Variants in PATJ observed in about 807,000 individuals in gnomAD.
The protein encoded by PATJ is inaD-like protein.
A neutral mutation model predicts 224.9 loss-of-function variants in PATJ; 190 were observed. That is an observed-to-expected ratio of 0.84 (90% confidence interval 0.75 to 0.95). The LOEUF is 0.95. Among genes scored for constraint, PATJ ranks in the 40% least tolerant of loss-of-function variants. The probability of loss-of-function intolerance (pLI) is 0.00; values close to 1 mark genes in which losing one functional copy is unlikely to be tolerated. For synonymous variants in PATJ, 769 were observed against 820.3 expected (o/e 0.94, Z 1.07); for missense variants, 2,121 against 2,270.3 (o/e 0.93, Z 1.34).
intron 22 of PATJ, among the ~76,000 whole-genome samples, chr1:61,894,418 G>A (rs1670074759): frequency 6.6e-6 from 1 of 152,144 alleles, no homozygotes; most frequent in African/African-American, 2.4e-5. Flanking sequence ...TAATCCCCAT[G>A]TGTCAGGAGA....
At chr1:62,033,842 A>G (rs932308279) in intron 29 of PATJ, among the ~76,000 whole-genome samples, 2 of 152,016 alleles carry the variant, frequency 1.3e-5, no homozygotes. Flanking sequence ...CAGTACACCT[A>G]CTCCCTGCCA....
intron 33 of PATJ, among the ~76,000 whole-genome samples, chr1:62,107,340 C>T (rs933674052): frequency 5.3e-5 from 8 of 151,780 alleles, no homozygotes; most frequent in Non-Finnish European, 1.2e-4. Context: ...GTCCCTCTCT[C>T]AGCAGCCCTC....
chr1:61,916,950 G>A (rs879393959), intron 26 of PATJ, among the ~76,000 whole-genome samples: 11 of 152,102 alleles, frequency 7.2e-5, no homozygotes, highest in Non-Finnish European at 1.2e-4. Context: ...TGGGTACGTC[G>A]GCTGATCCAT....
intron 31 of PATJ, among the ~76,000 whole-genome samples, chr1:62,069,306 C>T (rs1657007118): frequency 6.6e-6 from 1 of 152,140 alleles, no homozygotes; most frequent in African/African-American, 2.4e-5. Flanking sequence ...ATAATTTAGC[C>T]TCTCTGTGCC....
intron 1 of PATJ, among the ~76,000 whole-genome samples, chr1:61,749,464 A>G (rs1196410566): frequency 6.6e-6 from 1 of 152,172 alleles, no homozygotes; most frequent in Non-Finnish European, 1.5e-5. Flanking sequence ...ATAATTGGCT[A>G]TTGAATCAAC....
intron 31 of PATJ, among the ~76,000 whole-genome samples, chr1:62,055,982 G>A (rs1654470670): frequency 6.6e-6 from 1 of 152,138 alleles, no homozygotes; most frequent in Non-Finnish European, 1.5e-5. Context: ...GGAGAACATG[G>A]AGTTCTGATG....
intron 8 of PATJ, among the ~76,000 whole-genome samples, chr1:61,788,897 C>T (rs972082212): frequency 1.3e-5 from 2 of 152,228 alleles, no homozygotes; most frequent in South Asian, 4.1e-4. Context: ...TGGTCTCGAA[C>T]TCCCAACCTC....
chr1:62,037,753 A>G (rs1176479176), intron 29 of PATJ, among the ~76,000 whole-genome samples: 1 of 152,118 alleles, frequency 6.6e-6, no homozygotes, highest in Non-Finnish European at 1.5e-5. Context: ...CTTTGTCACT[A>G]ATAATTGCAT....
At chr1:61,803,978 A>G (rs1443539833) in intron 12 of PATJ, among the ~76,000 whole-genome samples, 2 of 152,164 alleles carry the variant, frequency 1.3e-5, no homozygotes, top group Non-Finnish European at 2.9e-5. Flanking sequence ...CTGTGTTTTC[A>G]TTGTACAACT....
At chr1:61,971,160 G>C (rs1276282707) in intron 27 of PATJ, among the ~76,000 whole-genome samples, 1 of 152,164 alleles carries the variant, frequency 6.6e-6, no homozygotes, top group African/African-American at 2.4e-5. Context: ...CCAGTCTGAG[G>C]CTGGACTAAG....
At chr1:61,923,276 T>G (rs1247724436) in intron 26 of PATJ, among the ~76,000 whole-genome samples, 1 of 152,194 alleles carries the variant, frequency 6.6e-6, no homozygotes, top group African/African-American at 2.4e-5. Flanking sequence ...AAATTGCATC[T>G]TAGATGCCAA....
At position 62,073,663 on chromosome 1, in the gene PATJ, A is replaced by C. The variant is rs11207897; in HGVS notation, c.4126-5787A>C. Among the ~76,000 whole-genome samples, 1,226 of 152,038 alleles carry C rather than the reference A, an allele frequency of 8.1e-3. 11 individuals carry two copies. The highest frequency in any genetic ancestry group is 0.028 in the African/African-American group (1,170 of 41,458). Reference sequence around the variant, plus strand: ...AAATAAATAAATAAATAAATAATAAAAGGGTATCCCTGAAAACACCCTTGC... The same window carrying C: ...AAATAAATAAATAAATAAATAATAACAGGGTATCCCTGAAAACACCCTTGC... On this transcript the variant is annotated intron_variant, in intron 31 of 43. Transcript: ENST00000642238.
chr1:61,904,008 A>G (rs1671549199), intron 24 of PATJ, among the ~76,000 whole-genome samples: 2 of 152,122 alleles, frequency 1.3e-5, no homozygotes, highest in Non-Finnish European at 2.9e-5. Context: ...TCCTAACCTC[A>G]GGTGATCCGC....
chr1:62,163,587 T>C lies in PATJ; in HGVS notation c.*2533T>C, dbSNP rs1188619891. 1 of 152,646 alleles carries C rather than the reference T, an allele frequency of 6.6e-6. No individual in the cohort carries two copies. 9.5% of individuals were successfully genotyped at this position (152,646 alleles called of 1,614,324 possible). On this transcript the variant is annotated 3_prime_UTR_variant, in exon 44 of 44. Transcript: ENST00000642238. ...TATTGATGAAGGAATTATGATGCTT[T>C]ATACTTCTTACTGCACTAAATTGAT...
At chr1:61,779,224 T>C (rs889393875) in intron 7 of PATJ, among the ~76,000 whole-genome samples, 2 of 152,190 alleles carry the variant, frequency 1.3e-5, no homozygotes, top group Non-Finnish European at 1.5e-5. Context: ...TTTTAAAAAA[T>C]TGGCTCATGC....
chr1:62,089,112 G>A (rs192233640), intron 33 of PATJ, among the ~76,000 whole-genome samples: 39 of 152,178 alleles, frequency 2.6e-4, no homozygotes, highest in Middle Eastern at 3.4e-3. Context: ...ATTTCCCATA[G>A]GAAATCGGAA....
At chr1:61,788,290 C>T (rs72929622) in intron 8 of PATJ, among the ~76,000 whole-genome samples, 6,961 of 151,908 alleles carry the variant, frequency 0.046, 222 homozygotes, top group East Asian at 0.12. Flanking sequence ...AAACACTGGC[C>T]GATGTGTGAG....
chr1:61,925,443 A>G (rs1483369436), intron 26 of PATJ, among the ~76,000 whole-genome samples: 1 of 152,226 alleles, frequency 6.6e-6, no homozygotes, highest in Non-Finnish European at 1.5e-5. Flanking sequence ...AGGAATTACA[A>G]GTACACATCA....
At chr1:62,062,158 A>C (rs1232488285) in intron 31 of PATJ, among the ~76,000 whole-genome samples, 1 of 152,104 alleles carries the variant, frequency 6.6e-6, no homozygotes, top group Non-Finnish European at 1.5e-5. Context: ...TCTTTGAGAA[A>C]TCTCTAAAGT....
Sources: gnomAD v4.1 joint callset for allele counts (sites outside exome capture counted in the v4.1 genomes callset) on GRCh38, gnomAD v4.1.1 for gene constraint, MANE v1.5 for transcripts, NCBI Gene and HGNC (gene_info 2026-07-23, HGNC 2026-07-21) for gene names.